Variants in USE1 observed in about 807,000 individuals in gnomAD.
The protein encoded by USE1 is unconventional SNARE in the ER 1, also known as vesicle transport protein USE1.
USE1 carries 32 observed loss-of-function variants against 37.6 expected under a neutral mutation model. The ratio of observed to expected loss-of-function variants is 0.85; its 90% CI spans 0.64 to 1.14. USE1 has a LOEUF of 1.14. USE1 is among the 50% of genes most tolerant of loss of function. The pLI is 0.00. For synonymous variants in USE1, 149 were observed against 137.6 expected (o/e 1.08, Z -0.58); for missense variants, 310 against 332.2 (o/e 0.93, Z 0.52).
intron 5 of USE1, chr19:17,217,976 T>G: frequency 2.9e-6 from 1 of 344,386 alleles, no homozygotes; most frequent in Non-Finnish European, 5.6e-6. Context: ...CCAGCATACT[T>G]GGGAGGCTGA....
Position 17,216,029 on chromosome 19 carries a change from A to C in USE1, c.190A>C (p.Lys64Gln), listed in dbSNP as rs754704380. ...TGAGGTGATCAATGAATATTCCTGGAAGGTGGATTTTCTGAAGGGGATGCT... is the reference window on the plus strand; with the variant it reads ...TGAGGTGATCAATGAATATTCCTGGCAGGTGGATTTTCTGAAGGGGATGCT... The part of the protein sequence containing the change: ...ASEVINEYSW[K>Q]VDFLKGMLQA... Residue 64 changes from lysine (K) to glutamine (Q), a missense_variant, in exon 3 of 8, where the codon AAG becomes CAG. Transcript: ENST00000263897. 10 of 1,610,408 alleles carry C rather than the reference A, an allele frequency of 6.2e-6. No homozygotes were observed. The highest frequency in any genetic ancestry group is 8.5e-6 in the Non-Finnish European group (10 of 1,178,450).
chr19:17,219,138 A>T lies in USE1; in HGVS notation c.423-75A>T, dbSNP rs578247773. The T allele has an allele frequency of 1.7e-4, 258 of 1,513,344 alleles. 1 individual carries two copies. The highest frequency in any genetic ancestry group is 1.1e-3 in the Middle Eastern group (6 of 5,626). The allele number at this position is 1,513,344 out of a possible 1,614,324, so 93.7% of individuals were successfully genotyped here. ...CGAGACTCTGTATCAAAAAAAAAAA[A>T]AAAGAAAATGTGTTGGTCTTCTCCC... On this transcript the variant is annotated intron_variant, in intron 6 of 7. Transcript: ENST00000263897.
chr19:17,217,424 A>G, intron 4 of USE1, 29 bp from the exon 5 acceptor site: 1 of 1,608,474 alleles, frequency 6.2e-7, no homozygotes, highest in Non-Finnish European at 8.5e-7. Context: ...CACTGCACCC[A>G]GCCTCATGCC....
intron 4 of USE1, among the ~76,000 whole-genome samples, chr19:17,217,084 C>T (rs2073295088): frequency 6.6e-6 from 1 of 150,726 alleles, no homozygotes; most frequent in Non-Finnish European, 1.5e-5. Flanking sequence ...AGGTTGAGGT[C>T]AGAAGGGACA....
Position 17,216,240 on chromosome 19 carries a change from G to T in USE1, c.303G>T (p.Glu101Asp). Residue 101 changes from glutamate (E) to aspartate (D), a missense_variant, in exon 4 of 8, where the codon GAG (glutamate) becomes GAT (aspartate). Glu to Asp is a conservative substitution (Grantham distance 45). Coordinates refer to ENST00000263897, the MANE Select transcript of USE1 (RefSeq NM_018467.4). ...APGRVPTTARERVPATKTVHL... is the reference protein window; with the variant it reads ...APGRVPTTARDRVPATKTVHL... ...GCCGTGTGCCAACCACAGCCAGAGA[G>T]CGAGTGCCCGCCACAAAGACGGTGC... is the stretch of plus-strand genomic sequence containing the variant. The T allele has an allele frequency of 6.2e-7, 1 of 1,612,798 alleles. No individual in the cohort carries two copies. The highest frequency in any genetic ancestry group is 8.5e-7 in the Non-Finnish European group (1 of 1,179,864).
At chr19:17,219,156 C>T in intron 6 of USE1, 57 bp from the exon 7 acceptor site, 2 of 1,539,612 alleles carry the variant, frequency 1.3e-6, no homozygotes, top group Non-Finnish European at 8.8e-7. Context: ...ATGTGTTGGT[C>T]TTCTCCCCTT....
chr19:17,215,396 C>A lies in USE1; in HGVS notation c.-10C>A. ...AGCCGGCGGAAGGGGTGGTGTAGGG[C>A]CGGGCGATAATGGCGGCGTCGAGGC... is the stretch of plus-strand genomic sequence containing the variant. On this transcript the variant is annotated 5_prime_UTR_variant, in exon 1 of 8. Transcript: ENST00000263897. 6.4e-7 allele frequency: 1 copy of A among 1,554,332 alleles called. No homozygotes were observed.
In USE1 at chr19:17,217,258, C is replaced by T. The variant is rs550978493; in HGVS notation, c.385-195C>T. 4.3e-4 allele frequency among the ~76,000 whole-genome samples: 66 copies of T among 151,788 alleles called. 1 individual carries two copies. Among genetic ancestry groups the T allele is most frequent in the Middle Eastern group, 6.8e-3 (2 of 292 alleles). ...TCAAGCAATACTCCTGCCTCAGCCT[C>T]CCAAGTCACTAGGATCACAGGCACC... On this transcript the variant is annotated intron_variant, in intron 4 of 7. Coordinates refer to ENST00000263897, the MANE Select transcript of USE1 (RefSeq NM_018467.4).
At position 17,219,195 on chromosome 19, in the gene USE1, C is replaced by T. The variant is rs768895223; in HGVS notation, c.423-18C>T. The T allele has an allele frequency of 1.7e-5, 27 of 1,607,800 alleles. No homozygotes were observed. Among genetic ancestry groups the T allele is most frequent in the Non-Finnish European group, 2.2e-5 (26 of 1,175,106 alleles). On this transcript the variant is annotated intron_variant, in intron 6 of 7. Coordinates refer to ENST00000263897, the MANE Select transcript of USE1 (RefSeq NM_018467.4). ...CACTCCATCTCTCATGTCCTCCTCC[C>T]CCCGTGTGTGAAATCAGTGGAGTGG...
In USE1 at chr19:17,219,687, G is replaced by A; in HGVS notation, c.654G>A (p.Glu218=). The A allele has an allele frequency of 6.2e-7, 1 of 1,612,768 alleles. No homozygotes were observed. The highest frequency in any genetic ancestry group is 1.1e-5 in the South Asian group (1 of 91,044). The change falls in exon 8 of 8, where the codon GAG becomes GAA. Residue 218 remains glutamate, a synonymous_variant. Transcript: ENST00000263897. ...AGAACCTGGAGAAACTGAAGACGGAGTCAGAGCGTCTGGAGCAGCACACGC... is the reference window on the plus strand; with the variant it reads ...AGAACCTGGAGAAACTGAAGACGGAATCAGAGCGTCTGGAGCAGCACACGC... ...ADQNLEKLKT[E]SERLEQHTQK...
chr19:17,215,915 A>T, intron 2 of USE1, 64 bp downstream of exon 2: 1 of 1,585,584 alleles, frequency 6.3e-7, no homozygotes, highest in Non-Finnish European at 8.6e-7. Flanking sequence ...ACATCCCAGT[A>T]CCGCTATCCC....
At chr19:17,215,776 G>A (rs1166864104) in intron 1 of USE1, 26 bp from the exon 2 acceptor site, 2 of 1,601,110 alleles carry the variant, frequency 1.2e-6, no homozygotes, top group East Asian at 2.3e-5. Context: ...AAGACCCCCG[G>A]GTGACAATCC....
At chr19:17,215,753 T>G (rs1229698107) in intron 1 of USE1, 49 bp from the exon 2 acceptor site, 4 of 1,277,848 alleles carry the variant, frequency 3.1e-6, no homozygotes, top group Admixed American at 2.1e-5. Flanking sequence ...ACTCCCATGA[T>G]CAGGACATGG....
chr19:17,216,756 G>T (rs1368364561), intron 4 of USE1, among the ~76,000 whole-genome samples: 1 of 152,074 alleles, frequency 6.6e-6, no homozygotes, highest in East Asian at 1.9e-4. Context: ...GAGGCGGGCG[G>T]ATCATTTGAG....
At chr19:17,218,231 C>A in intron 5 of USE1, 133 bp from the exon 6 acceptor site, 1 of 1,292,986 alleles carries the variant, frequency 7.7e-7, no homozygotes. Flanking sequence ...CAAGCATGGT[C>A]AGAAGCCAAC....
At chr19:17,218,036 A>T (rs1336757362) in intron 5 of USE1, 6 of 361,958 alleles carry the variant, frequency 1.7e-5, no homozygotes, top group Non-Finnish European at 2.6e-5. Flanking sequence ...GTGAGCTGAG[A>T]TTGCGCCAGT....
chr19:17,215,934 C>G (rs925942727), intron 2 of USE1, 58 bp from the exon 3 acceptor site: 4 of 1,582,282 alleles, frequency 2.5e-6, no homozygotes, highest in African/African-American at 1.3e-5. Context: ...CCAGCTGGGA[C>G]CCTTCCCTGA....
At position 17,216,070 on chromosome 19, in the gene USE1, G is replaced by A; in HGVS notation, c.231G>A (p.Leu77=). 1 of 1,612,954 alleles carries A rather than the reference G, an allele frequency of 6.2e-7. No individual in the cohort carries two copies. Among genetic ancestry groups the A allele is most frequent in the Non-Finnish European group, 8.5e-7 (1 of 1,179,494 alleles). ...FLKGMLQAEK[L]TSSSEKALAN... ...AGGGGATGCTGCAAGCCGAGAAGCT[G>A]GTGAGAAGGGGTGCCCCTGCCCCCT... Residue 77 remains leucine (L), a splice_region_variant and synonymous_variant, in exon 3 of 8, where the codon CTG becomes CTA. Coordinates refer to ENST00000263897, the MANE Select transcript of USE1 (RefSeq NM_018467.4).
Position 17,215,511 on chromosome 19 carries a change from A to AG in USE1, c.102+8dup, listed in dbSNP as rs1272689851. 1 of 1,555,854 alleles carries AG rather than the reference A, an allele frequency of 6.4e-7. No individual in the cohort carries two copies. Among genetic ancestry groups the AG allele is most frequent in the South Asian group, 1.2e-5 (1 of 84,412 alleles). On this transcript the variant is annotated splice_donor_region_variant and intron_variant, in intron 1 of 7. Coordinates refer to ENST00000263897, the MANE Select transcript of USE1 (RefSeq NM_018467.4). Reference sequence around the variant, plus strand: ...GGACGAGTGGCGCCTGGAGAAGGTGAGGGGATCTCGCACTGCCGCGTAGAG... The same window carrying AG: ...GGACGAGTGGCGCCTGGAGAAGGTGAGGGGGATCTCGCACTGCCGCGTAGAG...
Sources: gnomAD v4.1 joint callset for allele counts (sites outside exome capture counted in the v4.1 genomes callset) on GRCh38, gnomAD v4.1.1 for gene constraint, MANE v1.5 for transcripts, NCBI Gene and HGNC (gene_info 2026-07-23, HGNC 2026-07-21) for gene names.